MITF: variants seen among roughly 807,000 people sequenced by gnomAD.
MITF encodes the protein microphthalmia-associated transcription factor.
A neutral mutation model predicts 60.5 loss-of-function variants in MITF; 17 were observed. The ratio of observed to expected loss-of-function variants is 0.28; its 90% CI spans 0.19 to 0.42. The LOEUF (loss-of-function observed/expected upper bound fraction) is 0.42. MITF is among the 10% of genes least tolerant of loss of function. The probability of loss-of-function intolerance (pLI) is 1.00; values close to 1 mark genes in which losing one functional copy is unlikely to be tolerated. For synonymous variants in MITF, 260 were observed against 248.5 expected (o/e 1.05, Z -0.43); for missense variants, 622 against 683.5 (o/e 0.91, Z 1.00).
chr3:69,883,600 A>C (rs970997793), intron 2 of MITF, among the ~76,000 whole-genome samples: 31 of 152,300 alleles, frequency 2.0e-4, no homozygotes, highest in Admixed American at 2.0e-3. Context: ...ACAGATTGGC[A>C]AAAGGGACTT....
rs1252385842 is a variant in MITF, at chr3:69,930,366, G to A, written c.355-7456G>A. Among the ~76,000 whole-genome samples the A allele has an allele frequency of 2.6e-5, 4 of 152,168 alleles. No homozygotes were observed. In the East Asian group the frequency reaches 7.7e-4, roughly 29 times the overall value. On this transcript the variant is annotated intron_variant, in intron 2 of 9. Coordinates refer to ENST00000352241, the MANE Select transcript of MITF (RefSeq NM_001354604.2). ...ATGAAGAACGTGAGAGAAAAACCAG[G>A]CAAGTGTGGTAAATCGAAAGCCAAG...
At chr3:69,815,629 T>C (rs1254533057) in intron 1 of MITF, among the ~76,000 whole-genome samples, 11 of 152,240 alleles carry the variant, frequency 7.2e-5, no homozygotes, top group Admixed American at 7.2e-4. Context: ...GTAAGCCTTC[T>C]GATCAACAGA....
At chr3:69,899,772 A>G (rs1300511883) in intron 2 of MITF, among the ~76,000 whole-genome samples, 1 of 152,234 alleles carries the variant, frequency 6.6e-6, no homozygotes, top group African/African-American at 2.4e-5. Context: ...TGCATAAGCT[A>G]TAACTTCAGG....
At position 69,937,837 on chromosome 3, in the gene MITF, G is replaced by A. The variant is rs994568417; in HGVS notation, c.370G>A (p.Glu124Lys). 13 of 1,613,818 alleles carry A rather than the reference G, an allele frequency of 8.1e-6. No individual in the cohort carries two copies. Among genetic ancestry groups the A allele is most frequent in the East Asian group, 2.2e-5 (1 of 44,824 alleles). ...CTATGTTCAGGTGCAGACCCACCTC[G>A]AAAACCCCACCAAGTACCACATACA... is the stretch of plus-strand genomic sequence containing the variant. ...MEVLKVQTHLENPTKYHIQQA... is the reference protein window; with the variant it reads ...MEVLKVQTHLKNPTKYHIQQA... Residue 124 changes from glutamate (E) to lysine (K), a missense_variant, in exon 3 of 10, where the codon GAA becomes AAA. Around this residue, in one of 5 missense-constraint regions of MITF, gnomAD observed 3 missense variants for 16.6 expected, o/e 0.18. Coordinates refer to ENST00000352241, the MANE Select transcript of MITF (RefSeq NM_001354604.2).
chr3:69,810,395 C>T lies in MITF; in HGVS notation c.105-68739C>T, dbSNP rs1158517767. On this transcript the variant is annotated intron_variant, in intron 1 of 9. Coordinates refer to ENST00000352241, the MANE Select transcript of MITF (RefSeq NM_001354604.2). ...GGATAGGTTTTTGAAGTTCAAACTGCGTTTGCTGTAAGCTGGGTTCTTGGA... is the reference window on the plus strand; with the variant it reads ...GGATAGGTTTTTGAAGTTCAAACTGTGTTTGCTGTAAGCTGGGTTCTTGGA... Among the ~76,000 whole-genome samples the T allele has an allele frequency of 2.0e-5, 3 of 152,076 alleles. No individual in the cohort carries two copies. The East Asian group carries it at 5.8e-4, about 29-fold the overall frequency.
chr3:69,759,607 A>G (rs1293781108), intron 1 of MITF, among the ~76,000 whole-genome samples: 2 of 152,226 alleles, frequency 1.3e-5, no homozygotes, highest in Admixed American at 1.3e-4. Flanking sequence ...ATCCATGAAT[A>G]ATGAGGGTTG....
chr3:69,846,190 GATCTAAATT>G (rs77714246), intron 1 of MITF, among the ~76,000 whole-genome samples: 74,677 of 150,664 alleles, frequency 0.5, 20,174 homozygotes, highest in Non-Finnish European at 0.63. Context: ...AATTAAATGA[GATCTAAATT>G]AAATGAGCTG....
intron 2 of MITF, among the ~76,000 whole-genome samples, chr3:69,907,291 A>G (rs939937476): frequency 6.6e-6 from 1 of 152,168 alleles, no homozygotes; most frequent in African/African-American, 2.4e-5. Flanking sequence ...TGGATGAAAA[A>G]GTCATGTGGG....
intron 1 of MITF, among the ~76,000 whole-genome samples, chr3:69,756,623 G>T (rs1704159286): frequency 6.6e-6 from 1 of 152,218 alleles, no homozygotes; most frequent in Non-Finnish European, 1.5e-5. Flanking sequence ...ATGGTAGAAT[G>T]ATTTATAATC....
At chr3:69,870,643 C>T (rs1196688295) in intron 1 of MITF, among the ~76,000 whole-genome samples, 1 of 151,760 alleles carries the variant, frequency 6.6e-6, no homozygotes, top group African/African-American at 2.4e-5. Context: ...CCATGTTGGC[C>T]AGGATGGTCT....
rs1311256104 is a variant in MITF, at chr3:69,936,916, A to G, written c.355-906A>G. On this transcript the variant is annotated intron_variant, in intron 2 of 9. Coordinates refer to ENST00000352241, the MANE Select transcript of MITF (RefSeq NM_001354604.2). ...GATGCCATAAGAAGTAATTCAATGT[A>G]GTTTTGAACAAAGTAAATATTAGTA... 4 of 538,558 alleles carry G rather than the reference A, an allele frequency of 7.4e-6. No homozygotes were observed. In the East Asian group the frequency reaches 1.1e-4, roughly 14 times the overall value. 33.4% of individuals were successfully genotyped at this position (538,558 alleles called of 1,614,324 possible). A position where few individuals can be genotyped will look rare whatever the true frequency, so the allele number is the denominator to read the frequency against.
chr3:69,964,813 C>T (rs772835219), intron 9 of MITF, 34 bp from the exon 10 acceptor site: 1 of 1,609,116 alleles, frequency 6.2e-7, no homozygotes, highest in South Asian at 1.1e-5. Context: ...TGTGCTCTGC[C>T]TATTTCAGTG....
Position 69,965,181 on chromosome 3 carries a change from C to T in MITF, c.1514C>T (p.Pro505Leu). ...GATCCACTCCTTTCCTCAGTGTCCC[C>T]CGGAGCTTCCAAAACAAGCAGCCGG... ...VTDPLLSSVSPGASKTSSRRS... is the reference protein window; with the variant it reads ...VTDPLLSSVSLGASKTSSRRS... The change falls in exon 10 of 10, where the codon CCC (proline) becomes CTC (leucine). Residue 505 changes from proline to leucine, a missense_variant. Physicochemically the swap from Pro to Leu is moderately conservative, Grantham distance 98 (BLOSUM62 -3). Coordinates refer to ENST00000352241, the MANE Select transcript of MITF (RefSeq NM_001354604.2). 6.2e-7 allele frequency: 1 copy of T among 1,613,734 alleles called. No homozygotes were observed. Among genetic ancestry groups the T allele is most frequent in the Admixed American group, 1.7e-5 (1 of 60,022 alleles).
At chr3:69,933,774 G>A (rs999153660) in intron 2 of MITF, among the ~76,000 whole-genome samples, 5 of 152,108 alleles carry the variant, frequency 3.3e-5, no homozygotes, top group Non-Finnish European at 5.9e-5. Context: ...TCAAAAACAT[G>A]CAAACATTAT....
intron 1 of MITF, among the ~76,000 whole-genome samples, chr3:69,860,820 C>T (rs2064003357): frequency 6.6e-6 from 1 of 152,108 alleles, no homozygotes; most frequent in Non-Finnish European, 1.5e-5. Flanking sequence ...TCTTTATTTC[C>T]CTTTTCAACC....
intron 1 of MITF, among the ~76,000 whole-genome samples, chr3:69,761,143 G>T (rs55921103): frequency 0.55 from 84,046 of 151,870 alleles, 23,945 homozygotes; most frequent in Non-Finnish European, 0.64. Context: ...TATTCTTACA[G>T]ATTATACTGG....
At chr3:69,827,560 C>T (rs1489750145) in intron 1 of MITF, among the ~76,000 whole-genome samples, 2 of 152,104 alleles carry the variant, frequency 1.3e-5, no homozygotes, top group African/African-American at 2.4e-5. Context: ...GCCTACAACA[C>T]GTCAAGCCTG....
At position 69,856,498 on chromosome 3, in the gene MITF, T is replaced by G. The variant is rs2063921968; in HGVS notation, c.105-22636T>G. On this transcript the variant is annotated intron_variant, in intron 1 of 9. Coordinates refer to ENST00000352241, the MANE Select transcript of MITF (RefSeq NM_001354604.2). ...ATTAGCATCAAACAGAGACTTTCCT[T>G]AGATGGAAGAAATTTGAAAGGGCCC... Among the ~76,000 whole-genome samples the G allele has an allele frequency of 2.0e-5, 3 of 152,306 alleles. No homozygotes were observed. In the South Asian group the frequency reaches 6.2e-4, roughly 32 times the overall value.
chr3:69,745,652 G>T (rs1703696635), intron 1 of MITF, among the ~76,000 whole-genome samples: 2 of 152,016 alleles, frequency 1.3e-5, no homozygotes. Context: ...TCTTTCTTGT[G>T]GTCTCCAGGC....
Sources: allele counts gnomAD v4.1 joint callset (sites outside exome capture counted in the v4.1 genomes callset), GRCh38; gene constraint gnomAD v4.1.1; regional missense constraint gnomAD v4.1.1; transcripts MANE v1.5; gene names NCBI Gene and HGNC (gene_info 2026-07-23, HGNC 2026-07-21).